MTA3: variants seen among roughly 807,000 people sequenced by gnomAD.
MTA3 encodes the protein metastasis associated 1 family member 3, also known as metastasis-associated protein MTA3.
MTA3 carries 34 observed loss-of-function variants against 83.5 expected under a neutral mutation model. That is an observed-to-expected ratio of 0.41 (90% confidence interval 0.31 to 0.54). The LOEUF is 0.54. Ranked by LOEUF, MTA3 falls within the 20% of genes least tolerant of loss-of-function variation. The pLI is 0.33. For synonymous variants in MTA3, 303 were observed against 252.7 expected (o/e 1.20, Z -1.89); for missense variants, 761 against 726.4 (o/e 1.05, Z -0.55).
intron 8 of MTA3, chr2:42,680,429 T>A (rs1691772025): frequency 6.6e-6 from 1 of 152,172 alleles, no homozygotes; most frequent in Non-Finnish European, 1.5e-5. Context: ...AGTGAAGCTA[T>A]CCCCATTTGT....
At chr2:42,559,252 A>G (rs570665060) in intron 2 of MTA3, among the ~76,000 whole-genome samples, 47 of 152,274 alleles carry the variant, frequency 3.1e-4, no homozygotes, top group African/African-American at 1.0e-3. Flanking sequence ...CTGTAATCCC[A>G]GCACTTTGGG....
intron 2 of MTA3, among the ~76,000 whole-genome samples, chr2:42,547,417 T>A (rs1359914477): frequency 6.6e-6 from 1 of 152,260 alleles, no homozygotes; most frequent in Non-Finnish European, 1.5e-5. Context: ...AACCTCCACC[T>A]CCTGGGTTCA....
intron 4 of MTA3, among the ~76,000 whole-genome samples, chr2:42,611,070 C>T (rs556330479): frequency 6.6e-6 from 1 of 151,530 alleles, no homozygotes; most frequent in South Asian, 2.1e-4. Flanking sequence ...CAACCTCTGC[C>T]TCCCGGGTTC....
intron 3 of MTA3, among the ~76,000 whole-genome samples, chr2:42,595,229 C>T (rs1415464980): frequency 6.7e-6 from 1 of 150,030 alleles, no homozygotes; most frequent in East Asian, 2.0e-4. Flanking sequence ...CCTGCCTCAG[C>T]CTCCCGAGTA....
intron 16 of MTA3, among the ~76,000 whole-genome samples, chr2:42,748,194 A>G (rs1343681536): frequency 1.2e-5 from 1 of 86,690 alleles, no homozygotes; most frequent in Admixed American, 1.1e-4. Context: ...ACATCCAGCT[A>G]ATGTGTTTGT....
At chr2:42,749,053 T>A (rs954282808) in intron 16 of MTA3, among the ~76,000 whole-genome samples, 30 of 152,348 alleles carry the variant, frequency 2.0e-4, no homozygotes, top group Middle Eastern at 3.4e-3. Context: ...ACTGCTCGGC[T>A]CCTTGAGCCT....
At chr2:42,736,031 G>T (rs1221411656) in intron 16 of MTA3, among the ~76,000 whole-genome samples, 2 of 152,120 alleles carry the variant, frequency 1.3e-5, no homozygotes, top group African/African-American at 2.4e-5. Flanking sequence ...GAAGAGTTAG[G>T]TATTTGTTGT....
chr2:42,588,111 A>G (rs1202935861), intron 3 of MTA3, among the ~76,000 whole-genome samples: 4 of 152,134 alleles, frequency 2.6e-5, no homozygotes, highest in African/African-American at 9.7e-5. Flanking sequence ...TTCATAGGAA[A>G]TCTTAAGCTT....
intron 8 of MTA3, among the ~76,000 whole-genome samples, chr2:42,668,571 G>T (rs143594280): frequency 4.6e-5 from 7 of 152,304 alleles, no homozygotes; most frequent in Non-Finnish European, 2.9e-5. Flanking sequence ...AGTTGTTATT[G>T]TTGAGAAGAC....
At chr2:42,741,826 A>G (rs558405633) in intron 16 of MTA3, among the ~76,000 whole-genome samples, 1 of 152,312 alleles carries the variant, frequency 6.6e-6, no homozygotes, top group South Asian at 2.1e-4. Flanking sequence ...AGATATAATA[A>G]AGAAAAAGCT....
intron 4 of MTA3, among the ~76,000 whole-genome samples, chr2:42,630,383 T>C (rs771472022): frequency 2.6e-5 from 4 of 152,208 alleles, no homozygotes; most frequent in Non-Finnish European, 4.4e-5. Context: ...AAACATGAAG[T>C]ATACAATAAA....
At chr2:42,728,515 G>A (rs568265115) in intron 16 of MTA3, among the ~76,000 whole-genome samples, 1 of 152,244 alleles carries the variant, frequency 6.6e-6, no homozygotes, top group South Asian at 2.1e-4. Context: ...CCTCCAAACT[G>A]TTCTCATAGT....
At chr2:42,510,821 C>G (rs1045506643) in intron 2 of MTA3, among the ~76,000 whole-genome samples, 3 of 152,204 alleles carry the variant, frequency 2.0e-5, no homozygotes, top group East Asian at 1.9e-4. Context: ...TGCCCCCACT[C>G]TGACCCTTAT....
chr2:42,608,681 G>A (rs559419321), intron 3 of MTA3, among the ~76,000 whole-genome samples: 1 of 152,110 alleles, frequency 6.6e-6, no homozygotes, highest in Non-Finnish European at 1.5e-5. Flanking sequence ...CCAGGAGTTC[G>A]AGACCAGCCT....
intron 16 of MTA3, among the ~76,000 whole-genome samples, chr2:42,724,277 A>AC (rs1553396461): frequency 0.086 from 6,294 of 73,072 alleles, 369 homozygotes; most frequent in Middle Eastern, 0.17. Flanking sequence ...AGTCCTGAAA[A>AC]ACACACACAC....
chr2:42,683,316 C>A (rs1692091431), intron 9 of MTA3, among the ~76,000 whole-genome samples: 1 of 152,160 alleles, frequency 6.6e-6, no homozygotes, highest in Admixed American at 6.5e-5. Flanking sequence ...GATCTGGACC[C>A]TTAATGAAAT....
intron 4 of MTA3, among the ~76,000 whole-genome samples, chr2:42,632,397 G>A (rs11901849): frequency 0.74 from 112,438 of 151,984 alleles, 41,817 homozygotes; most frequent in South Asian, 0.88. Context: ...GCCCCCAGCT[G>A]CTGTTTTGTA....
intron 14 of MTA3, among the ~76,000 whole-genome samples, chr2:42,710,628 C>G (rs1666527919): frequency 1.3e-5 from 2 of 149,718 alleles, no homozygotes; most frequent in Non-Finnish European, 3.0e-5. Context: ...ATATTAGATT[C>G]ATGTATATTT....
At chr2:42,655,330 T>A (rs916559323) in intron 6 of MTA3, among the ~76,000 whole-genome samples, 14 of 152,242 alleles carry the variant, frequency 9.2e-5, no homozygotes, top group African/African-American at 3.4e-4. Context: ...CCAGACATTA[T>A]GAGCTACTTT....
Sources: gnomAD v4.1 joint callset for allele counts (sites outside exome capture counted in the v4.1 genomes callset) on GRCh38, gnomAD v4.1.1 for gene constraint, MANE v1.5 for transcripts, NCBI Gene and HGNC (gene_info 2026-07-23, HGNC 2026-07-21) for gene names.